Variants in CUBN observed in about 807,000 individuals in gnomAD.
The protein encoded by CUBN is cubilin, also known as 460 kDa receptor.
In CUBN, 282 loss-of-function variants were observed where a neutral mutation model predicts 405.3. The observed-to-expected ratio is 0.70, with a 90% confidence interval of 0.63 to 0.77. CUBN has a LOEUF of 0.77. Among genes scored for constraint, CUBN ranks in the 30% least tolerant of loss-of-function variants. The pLI is 0.00. For synonymous variants in CUBN, 1,684 were observed against 1,617.0 expected (o/e 1.04, Z -0.99); for missense variants, 4,514 against 4,475.2 (o/e 1.01, Z -0.25).
rs1564510678 is a variant in CUBN at position 17,088,017 on chromosome 10, C to T, written c.1947+147G>A. 5 of 652,988 alleles carry T rather than the reference C, an allele frequency of 7.7e-6. No homozygotes were observed. In the Admixed American group the frequency reaches 1.0e-4, roughly 13 times the overall value. The allele number at this position is 652,988 out of a possible 1,614,324, so 40.4% of individuals were successfully genotyped here. ...AAACAGGCACAGTTAAAAATAGAGACTTTGCAAGAGTTAGATATTGACTGA... is the reference window on the plus strand; with the variant it reads ...AAACAGGCACAGTTAAAAATAGAGATTTTGCAAGAGTTAGATATTGACTGA... On this transcript the variant is annotated intron_variant, in intron 15 of 66. Coordinates refer to ENST00000377833, the MANE Select transcript of CUBN (RefSeq NM_001081.4).
chr10:17,016,749 G>C (rs1269545621), intron 28 of CUBN, among the ~76,000 whole-genome samples: 1 of 152,144 alleles, frequency 6.6e-6, no homozygotes, highest in African/African-American at 2.4e-5. Context: ...GGGGAGATTA[G>C]AGGAGGCTTA....
chr10:16,947,406 G>T (rs781556789), intron 35 of CUBN, 39 bp from the exon 36 acceptor site: 3 of 1,606,940 alleles, frequency 1.9e-6, no homozygotes, highest in Non-Finnish European at 2.6e-6. Context: ...TCAGAGCAAA[G>T]ACTGCATCAG....
intron 56 of CUBN, among the ~76,000 whole-genome samples, chr10:16,887,964 T>C (rs1840870829): frequency 6.6e-6 from 1 of 152,150 alleles, no homozygotes; most frequent in Non-Finnish European, 1.5e-5. Flanking sequence ...CTAAGTGAAA[T>C]AAGCTACACA....
chr10:17,056,349 G>A (rs946074492), intron 22 of CUBN, among the ~76,000 whole-genome samples: 1 of 152,052 alleles, frequency 6.6e-6, no homozygotes, highest in Non-Finnish European at 1.5e-5. Flanking sequence ...GGTGGCTCAC[G>A]CCTGTAATTC....
At chr10:17,036,789 T>C (rs1834911546) in intron 27 of CUBN, among the ~76,000 whole-genome samples, 1 of 152,222 alleles carries the variant, frequency 6.6e-6, no homozygotes, top group South Asian at 2.1e-4. Flanking sequence ...TATGGAGTCA[T>C]GCAAAACATT....
intron 27 of CUBN, among the ~76,000 whole-genome samples, chr10:17,039,507 G>A (rs184443403): frequency 1.8e-4 from 27 of 152,246 alleles, no homozygotes; most frequent in Non-Finnish European, 2.4e-4. Flanking sequence ...GGTAAAAGGA[G>A]GTATGACCAA....
chr10:16,866,181 G>GAA (rs147883401), intron 59 of CUBN, among the ~76,000 whole-genome samples: 1 of 147,456 alleles, frequency 6.8e-6, no homozygotes, highest in Non-Finnish European at 1.5e-5. Context: ...CATCATTTTA[G>GAA]AAAAAAAAAA....
At chr10:17,069,921 A>G (rs1431979162) in intron 19 of CUBN, among the ~76,000 whole-genome samples, 1 of 151,808 alleles carries the variant, frequency 6.6e-6, no homozygotes, top group African/African-American at 2.4e-5. Flanking sequence ...TTTTGTTTGT[A>G]CTTTTTGTGT....
intron 27 of CUBN, among the ~76,000 whole-genome samples, chr10:17,031,493 G>A (rs999246710): frequency 6.6e-6 from 1 of 152,198 alleles, no homozygotes; most frequent in African/African-American, 2.4e-5. Flanking sequence ...AAGTAGTGGA[G>A]TTTGGGTTTA....
intron 10 of CUBN, among the ~76,000 whole-genome samples, chr10:17,108,733 C>G (rs1285331755): frequency 6.6e-6 from 1 of 152,060 alleles, no homozygotes; most frequent in Non-Finnish European, 1.5e-5. Flanking sequence ...AAAGATTTAT[C>G]TTTTTGACTA....
intron 59 of CUBN, among the ~76,000 whole-genome samples, chr10:16,867,493 C>T (rs1446136061): frequency 6.6e-6 from 1 of 152,128 alleles, no homozygotes; most frequent in Non-Finnish European, 1.5e-5. Flanking sequence ...AAGACCACTG[C>T]AATGCAAAAT....
At chr10:16,835,345 A>G (rs533766298) in intron 63 of CUBN, 150 bp from the exon 64 acceptor site, 1 of 751,192 alleles carries the variant, frequency 1.3e-6, no homozygotes, top group South Asian at 1.6e-5. Context: ...GATAATTGAG[A>G]CCCTGAGCAG....
At chr10:17,073,870 C>T (rs1424347460) in intron 17 of CUBN, among the ~76,000 whole-genome samples, 1 of 152,186 alleles carries the variant, frequency 6.6e-6, no homozygotes, top group Non-Finnish European at 1.5e-5. Flanking sequence ...TATCTAAGCT[C>T]ATGGGATTGT....
intron 27 of CUBN, among the ~76,000 whole-genome samples, chr10:17,024,186 A>C (rs1038141282): frequency 6.6e-6 from 1 of 152,192 alleles, no homozygotes; most frequent in Admixed American, 6.5e-5. Context: ...GACCCATAAC[A>C]AAGGGGAGGA....
At chr10:16,936,384 A>C (rs1441529443) in intron 39 of CUBN, among the ~76,000 whole-genome samples, 1 of 152,216 alleles carries the variant, frequency 6.6e-6, no homozygotes, top group Non-Finnish European at 1.5e-5. Context: ...TATTTTAAGT[A>C]AGAGATTTGT....
intron 56 of CUBN, 104 bp from the exon 57 acceptor site, chr10:16,877,201 T>G: frequency 1.1e-6 from 1 of 950,332 alleles, no homozygotes; most frequent in Non-Finnish European, 1.6e-6. Flanking sequence ...GCAATTGCTA[T>G]AAAAATTAAA....
At chr10:17,105,209 A>G (rs1836597184) in intron 11 of CUBN, among the ~76,000 whole-genome samples, 2 of 152,192 alleles carry the variant, frequency 1.3e-5, no homozygotes, top group African/African-American at 4.8e-5. Context: ...TTTGTATGTC[A>G]GATTTATTTA....
At chr10:16,918,470 G>A in intron 45 of CUBN, 152 bp downstream of exon 45, 1 of 595,066 alleles carries the variant, frequency 1.7e-6, no homozygotes, top group South Asian at 2.1e-5. Flanking sequence ...GGAGAAGGGA[G>A]AAGAGCAGAA....
intron 41 of CUBN, 83 bp downstream of exon 41, chr10:16,928,074 A>C: frequency 6.6e-7 from 1 of 1,508,256 alleles, no homozygotes; most frequent in Non-Finnish European, 9.2e-7. Flanking sequence ...GTGCCCAAAA[A>C]CATTATATTA....
Sources: gnomAD v4.1 joint callset for allele counts (sites outside exome capture counted in the v4.1 genomes callset) on GRCh38, gnomAD v4.1.1 for gene constraint, MANE v1.5 for transcripts, NCBI Gene and HGNC (gene_info 2026-07-23, HGNC 2026-07-21) for gene names.